The following PRMT3 variants were observed in gnomAD, a reference collection of about 807,000 sequenced individuals.
The protein encoded by PRMT3 is protein arginine methyltransferase 3, also known as protein arginine N-methyltransferase 3.
A neutral mutation model predicts 71.9 loss-of-function variants in PRMT3; 62 were observed. That is an observed-to-expected ratio of 0.86 (90% CI 0.70 to 1.07). The LOEUF is 1.07. Among genes scored for constraint, PRMT3 ranks in the 50% least tolerant of loss-of-function variants. PRMT3 has a pLI of 0.00. For missense variants in PRMT3, 663 were observed against 643.0 expected (o/e 1.03, Z -0.34); for synonymous variants, 213 against 220.4 (o/e 0.97, Z 0.30).
At chr11:20,439,007 C>T (rs1469568761) in intron 10 of PRMT3, among the ~76,000 whole-genome samples, 1 of 152,152 alleles carries the variant, frequency 6.6e-6, no homozygotes, top group Non-Finnish European at 1.5e-5. Flanking sequence ...AGTTGGACCA[C>T]CAGACTGGGG....
intron 13 of PRMT3, among the ~76,000 whole-genome samples, chr11:20,493,290 C>CA (rs1216017679): frequency 6.6e-6 from 1 of 151,780 alleles, no homozygotes; most frequent in Non-Finnish European, 1.5e-5. Context: ...TATTTCATCA[C>CA]AAAAATATTC....
rs1357981223 is a variant in PRMT3 at position 20,398,643 on chromosome 11, C to T, written c.705+922C>T. Reference sequence around the variant, plus strand: ...AATTTTTTGTATTTTTTAGTAGAGACGGGGTTTCACCGTAATGCCATATTT... The same window carrying T: ...AATTTTTTGTATTTTTTAGTAGAGATGGGGTTTCACCGTAATGCCATATTT... On this transcript the variant is annotated intron_variant, in intron 7 of 15. Coordinates refer to ENST00000331079, the MANE Select transcript of PRMT3 (RefSeq NM_005788.4). Among the ~76,000 whole-genome samples, 16 of 152,076 alleles carry T rather than the reference C, an allele frequency of 1.1e-4. 1 individual carries two copies. The highest frequency in any genetic ancestry group is 4.8e-5 in the African/African-American group (2 of 41,412).
At chr11:20,416,172 C>T (rs1849300427) in intron 9 of PRMT3, among the ~76,000 whole-genome samples, 1 of 152,178 alleles carries the variant, frequency 6.6e-6, no homozygotes, top group Non-Finnish European at 1.5e-5. Context: ...CCTCCCACCA[C>T]TCTCTGTCAT....
intron 13 of PRMT3, among the ~76,000 whole-genome samples, chr11:20,477,033 T>TAAGCACA (rs1193044815): frequency 1.3e-5 from 2 of 152,326 alleles, no homozygotes; most frequent in East Asian, 3.9e-4. Context: ...TCCCGTGTCT[T>TAAGCACA]AAGCACAAGA....
chr11:20,452,144 G>GT lies in PRMT3; in HGVS notation c.1011dup (p.Glu338Ter), dbSNP rs1230693750. 6.2e-7 allele frequency: 1 copy of GT among 1,607,340 alleles called. No homozygotes were observed. Reference sequence around the variant, plus strand: ...TTTTTATGCAGGGCTATTTTCTTCTGTTTGAGTCTATGTTAGATTCTGTCC... The same window carrying GT: ...TTTTTATGCAGGGCTATTTTCTTCTGTTTTGAGTCTATGTTAGATTCTGTCC... On this transcript the variant is annotated frameshift_variant, in exon 11 of 16. Coordinates refer to ENST00000331079, the MANE Select transcript of PRMT3 (RefSeq NM_005788.4). LOFTEE classifies it high-confidence loss of function.
chr11:20,490,858 TTC>T (rs1256045934), intron 13 of PRMT3, among the ~76,000 whole-genome samples: 7 of 152,316 alleles, frequency 4.6e-5, no homozygotes, highest in African/African-American at 1.4e-4. Context: ...TTTAAAATGT[TTC>T]TAGAGGAAGT....
chr11:20,452,617 G>A (rs529996936), intron 11 of PRMT3, among the ~76,000 whole-genome samples: 6 of 152,128 alleles, frequency 3.9e-5, no homozygotes, highest in South Asian at 2.1e-4. Flanking sequence ...CTGTAAACCC[G>A]ACTTCTCTGT....
At chr11:20,461,941 G>T in intron 11 of PRMT3, 39 bp from the exon 12 acceptor site, 2 of 1,446,362 alleles carry the variant, frequency 1.4e-6, no homozygotes, top group Non-Finnish European at 1.9e-6. Flanking sequence ...ATAAGAAAGG[G>T]AGATAATGCT....
At chr11:20,502,172 T>C (rs1851473551) in intron 15 of PRMT3, among the ~76,000 whole-genome samples, 1 of 152,176 alleles carries the variant, frequency 6.6e-6, no homozygotes, top group South Asian at 2.1e-4. Context: ...CTCCAGAGTG[T>C]TCCTTCCAGC....
At chr11:20,502,465 A>G (rs1398319139) in intron 15 of PRMT3, among the ~76,000 whole-genome samples, 1 of 152,224 alleles carries the variant, frequency 6.6e-6, no homozygotes, top group Non-Finnish European at 1.5e-5. Flanking sequence ...CATGGTTATC[A>G]GCATCAGCTT....
At chr11:20,488,077 G>A (rs1436262367) in intron 13 of PRMT3, among the ~76,000 whole-genome samples, 2 of 152,102 alleles carry the variant, frequency 1.3e-5, no homozygotes, top group Non-Finnish European at 2.9e-5. Context: ...CACTTAATGT[G>A]TATTGTTCCC....
At chr11:20,470,377 C>A (rs554081037) in intron 13 of PRMT3, among the ~76,000 whole-genome samples, 1 of 152,234 alleles carries the variant, frequency 6.6e-6, no homozygotes, top group Non-Finnish European at 1.5e-5. Flanking sequence ...ATTAGCTGTT[C>A]TTCCCTCAAC....
At chr11:20,483,876 G>A (rs192919723) in intron 13 of PRMT3, among the ~76,000 whole-genome samples, 90 of 152,288 alleles carry the variant, frequency 5.9e-4, no homozygotes, top group African/African-American at 2.1e-3. Context: ...CATATGTATT[G>A]TATTAGTGGG....
At chr11:20,468,169 T>C (rs1850556846) in intron 13 of PRMT3, among the ~76,000 whole-genome samples, 1 of 152,180 alleles carries the variant, frequency 6.6e-6, no homozygotes, top group South Asian at 2.1e-4. Context: ...AGGAAGAGAT[T>C]GGGCTTTTTT....
chr11:20,477,114 G>GT (rs1850809595), intron 13 of PRMT3, among the ~76,000 whole-genome samples: 2 of 152,180 alleles, frequency 1.3e-5, no homozygotes, highest in Non-Finnish European at 2.9e-5. Flanking sequence ...GTTTATTACA[G>GT]TAAGGATGAC....
chr11:20,413,916 G>A (rs1057054303), intron 9 of PRMT3, among the ~76,000 whole-genome samples: 4 of 151,748 alleles, frequency 2.6e-5, no homozygotes, highest in African/African-American at 4.8e-5. Context: ...CCCTTTTCTC[G>A]GTCAGAAGTC....
chr11:20,426,103 A>G (rs1162633198), intron 9 of PRMT3, among the ~76,000 whole-genome samples: 1 of 152,226 alleles, frequency 6.6e-6, no homozygotes, highest in Non-Finnish European at 1.5e-5. Context: ...AAGAACATCT[A>G]ATGAGTGCCA....
chr11:20,397,627 C>T lies in PRMT3; in HGVS notation c.611C>T (p.Ser204Leu). The T allele has an allele frequency of 6.2e-7, 1 of 1,614,052 alleles. No individual in the cohort carries two copies. Among genetic ancestry groups the T allele is most frequent in the African/African-American group, 1.3e-5 (1 of 75,004 alleles). ...CACACAGATGTCAGAACCTGCTCGTCATCTACTAGTGTCATTGCGGACCTC... is the reference window on the plus strand; with the variant it reads ...CACACAGATGTCAGAACCTGCTCGTTATCTACTAGTGTCATTGCGGACCTC... ...VMHTDVRTCSSSTSVIADLQE... is the reference protein window; with the variant it reads ...VMHTDVRTCSLSTSVIADLQE... The change falls in exon 7 of 16, where the codon TCA becomes TTA. Residue 204 changes from serine (S) to leucine (L), a missense_variant. Transcript: ENST00000331079.
At chr11:20,443,839 T>A (rs1217828839) in intron 10 of PRMT3, among the ~76,000 whole-genome samples, 1 of 152,162 alleles carries the variant, frequency 6.6e-6, no homozygotes, top group Non-Finnish European at 1.5e-5. Context: ...CTAATACAAG[T>A]TTTTTAAACT....
Sources: gnomAD v4.1 joint callset for allele counts (sites outside exome capture counted in the v4.1 genomes callset) on GRCh38, gnomAD v4.1.1 for gene constraint, MANE v1.5 for transcripts, NCBI Gene and HGNC (gene_info 2026-07-23, HGNC 2026-07-21) for gene names.